GPATCH8: variants seen among roughly 807,000 people sequenced by gnomAD.
The protein encoded by GPATCH8 is G-patch domain containing 8, also known as G patch domain-containing protein 8.
Under a neutral mutation model 118.3 loss-of-function variants are expected in GPATCH8, and 18 were observed. The ratio of observed to expected loss-of-function variants is 0.15; its 90% CI spans 0.11 to 0.23. GPATCH8 has a LOEUF of 0.23. GPATCH8 is among the 10% of genes least tolerant of loss of function. The pLI, the probability that GPATCH8 is intolerant of heterozygous loss-of-function variation, is 1.00. For synonymous variants in GPATCH8, 659 were observed against 684.7 expected (o/e 0.96, Z 0.59); for missense variants, 1,631 against 1,873.8 (o/e 0.87, Z 2.39).
chr17:44,434,150 A>G (rs4793102), intron 5 of GPATCH8, among the ~76,000 whole-genome samples: 81,240 of 150,460 alleles, frequency 0.54, 22,601 homozygotes, highest in Middle Eastern at 0.63. Flanking sequence ...AATAATATTA[A>G]TAATAATAAT....
chr17:44,463,144 A>AC (rs887178995), intron 3 of GPATCH8, among the ~76,000 whole-genome samples: 57 of 151,974 alleles, frequency 3.8e-4, no homozygotes, highest in African/African-American at 1.4e-3. Flanking sequence ...GGTTTTGAAC[A>AC]CGTGGCCTCA....
At chr17:44,426,378 A>G (rs937247594) in intron 5 of GPATCH8, among the ~76,000 whole-genome samples, 3 of 152,142 alleles carry the variant, frequency 2.0e-5, no homozygotes, top group African/African-American at 7.2e-5. Flanking sequence ...CGAGGCAGGC[A>G]GATGGCTTGA....
At position 44,397,414 on chromosome 17, in the gene GPATCH8, A is replaced by G. The variant is rs1364513491; in HGVS notation, c.*154T>C. The stretch of plus-strand genomic sequence containing the variant: ...ATAGTAAACTGAAAGCAAACTTCAA[A>G]TCTAAACCCACCCCTGCAAGCCAAA... On this transcript the variant is annotated 3_prime_UTR_variant, in exon 8 of 8. Transcript: ENST00000591680. 1.4e-6 allele frequency: 1 copy of G among 707,690 alleles called. No individual in the cohort carries two copies. Among genetic ancestry groups the G allele is most frequent in the South Asian group, 1.5e-5 (1 of 66,800 alleles). The allele number at this position is 707,690 out of a possible 1,614,324, so 43.8% of individuals were successfully genotyped here.
intron 1 of GPATCH8, among the ~76,000 whole-genome samples, chr17:44,479,619 C>T (rs1389034748): frequency 6.6e-6 from 1 of 152,158 alleles, no homozygotes; most frequent in South Asian, 2.1e-4. Context: ...TTTGTGACCA[C>T]AGGCTAGGCA....
intron 1 of GPATCH8, among the ~76,000 whole-genome samples, chr17:44,502,272 T>G (rs1970125813): frequency 6.6e-6 from 1 of 152,022 alleles, no homozygotes; most frequent in Non-Finnish European, 1.5e-5. Context: ...CTGCTTTGAG[T>G]AGGATCTGCA....
At chr17:44,423,731 G>A (rs1414170077) in intron 6 of GPATCH8, among the ~76,000 whole-genome samples, 2 of 152,096 alleles carry the variant, frequency 1.3e-5, no homozygotes, top group South Asian at 2.1e-4. Context: ...TAACTAGTTA[G>A]GTACAATTTT....
chr17:44,481,673 T>G (rs1968254886), intron 1 of GPATCH8, among the ~76,000 whole-genome samples: 1 of 152,216 alleles, frequency 6.6e-6, no homozygotes, highest in Non-Finnish European at 1.5e-5. Flanking sequence ...TCACTGTATC[T>G]TAATTGTACT....
Position 44,397,498 on chromosome 17 carries a change from G to T in GPATCH8, c.*70C>A. ...CCAGCTTCTACTTGCTGGTATTAAT[G>T]GCTCAACACCCCCAAGGGAACATTT... On this transcript the variant is annotated 3_prime_UTR_variant, in exon 8 of 8. Transcript: ENST00000591680. 9.4e-7 allele frequency: 1 copy of T among 1,062,960 alleles called. No individual in the cohort carries two copies. The highest frequency in any genetic ancestry group is 1.5e-6 in the Non-Finnish European group (1 of 681,878). 65.8% of individuals were successfully genotyped at this position (1,062,960 alleles called of 1,614,324 possible).
chr17:44,497,845 C>T (rs1188915534), intron 1 of GPATCH8, among the ~76,000 whole-genome samples: 5 of 150,784 alleles, frequency 3.3e-5, no homozygotes, highest in South Asian at 2.1e-4. Context: ...GAGGCTGAAG[C>T]GGGAGGATTG....
chr17:44,446,504 G>T (rs545251882), intron 3 of GPATCH8, among the ~76,000 whole-genome samples: 3 of 152,226 alleles, frequency 2.0e-5, no homozygotes, highest in South Asian at 4.1e-4. Flanking sequence ...GGTGGAGCTT[G>T]CAGTGAAGCC....
chr17:44,408,438 C>T (rs543948515), intron 6 of GPATCH8, among the ~76,000 whole-genome samples: 15 of 152,248 alleles, frequency 9.9e-5, no homozygotes, highest in South Asian at 2.1e-4. Flanking sequence ...CCGCCCGCCT[C>T]GGCTTCCCAA....
intron 3 of GPATCH8, among the ~76,000 whole-genome samples, chr17:44,449,369 CTTG>C (rs770375626): frequency 1.4e-4 from 22 of 152,062 alleles, no homozygotes; most frequent in Non-Finnish European, 2.9e-4. Context: ...AAATTTTTTG[CTTG>C]TTTTCTTTTT....
At chr17:44,435,792 C>T (rs1319944221) in intron 4 of GPATCH8, among the ~76,000 whole-genome samples, 9 of 147,124 alleles carry the variant, frequency 6.1e-5, no homozygotes, top group South Asian at 2.1e-4. Context: ...GAGGCCGAGG[C>T]GGGCGGGTCA....
intron 1 of GPATCH8, among the ~76,000 whole-genome samples, chr17:44,502,875 G>A (rs553387423): frequency 1.3e-5 from 2 of 152,346 alleles, no homozygotes; most frequent in African/African-American, 4.8e-5. Flanking sequence ...AGTGAAGAAA[G>A]AAAAGAGAAG....
intron 1 of GPATCH8, among the ~76,000 whole-genome samples, chr17:44,476,818 AAC>A (rs1417420788): frequency 6.6e-6 from 1 of 152,224 alleles, no homozygotes; most frequent in East Asian, 1.9e-4. Flanking sequence ...AATAAGTAAA[AAC>A]AGTTTCAACA....
intron 6 of GPATCH8, among the ~76,000 whole-genome samples, chr17:44,417,670 CG>C (rs1567960231): frequency 6.6e-6 from 1 of 152,086 alleles, no homozygotes; most frequent in Non-Finnish European, 1.5e-5. Flanking sequence ...TCAGAAGCCA[CG>C]GGAACCTGTG....
At chr17:44,497,347 T>C (rs1969732684) in intron 1 of GPATCH8, among the ~76,000 whole-genome samples, 1 of 152,136 alleles carries the variant, frequency 6.6e-6, no homozygotes, top group South Asian at 2.1e-4. Context: ...CTCAACACTT[T>C]GAGGGGCCGA....
chr17:44,462,935 C>T (rs1344791803), intron 3 of GPATCH8, among the ~76,000 whole-genome samples: 1 of 151,992 alleles, frequency 6.6e-6, no homozygotes, highest in East Asian at 1.9e-4. Flanking sequence ...GAGCCGAGAT[C>T]GCGCCGCTGC....
chr17:44,484,749 A>G (rs777612892), intron 1 of GPATCH8, among the ~76,000 whole-genome samples: 75 of 151,128 alleles, frequency 5.0e-4, no homozygotes, highest in Non-Finnish European at 8.8e-4. Flanking sequence ...AGTAAAACTT[A>G]ATGTTGTAAT....
Sources: gnomAD v4.1 joint callset for allele counts (sites outside exome capture counted in the v4.1 genomes callset) on GRCh38, gnomAD v4.1.1 for gene constraint, MANE v1.5 for transcripts, NCBI Gene and HGNC (gene_info 2026-07-23, HGNC 2026-07-21) for gene names.